PCNX1: variants seen among roughly 807,000 people sequenced by gnomAD.
PCNX1 encodes pecanex-like protein 1.
Under a neutral mutation model 242.2 loss-of-function variants are expected in PCNX1, and 78 were observed. The observed-to-expected ratio is 0.32, with a 90% CI of 0.27 to 0.39. The LOEUF (loss-of-function observed/expected upper bound fraction) is 0.39. Among genes scored for constraint, PCNX1 ranks in the 10% least tolerant of loss-of-function variants. PCNX1 has a pLI of 1.00. For missense variants in PCNX1, 2,581 were observed against 2,856.5 expected (o/e 0.90, Z 2.20); for synonymous variants, 1,024 against 1,032.9 (o/e 0.99, Z 0.17).
At chr14:70,912,678 A>G (rs1202471900) in intron 1 of PCNX1, among the ~76,000 whole-genome samples, 1 of 152,024 alleles carries the variant, frequency 6.6e-6, no homozygotes, top group Non-Finnish European at 1.5e-5. Context: ...AAAGACATAA[A>G]TCTGTGTCAT....
rs1171033184 is a variant in PCNX1, at chr14:71,011,436, G to T, written c.2721-56G>T. 17 of 914,342 alleles carry T rather than the reference G, an allele frequency of 1.9e-5. No homozygotes were observed. The Admixed American group carries it at 3.3e-4, about 18-fold the overall frequency. The allele number at this position is 914,342 out of a possible 1,614,324, so 56.6% of individuals were successfully genotyped here. A position where few individuals can be genotyped will look rare whatever the true frequency, so the allele number is the denominator to read the frequency against. Reference sequence around the variant, plus strand: ...ATGTGAATCTCATCTGAATGTTAAAGGATATATTTTTCTTTCTGCTTGACA... The same window carrying T: ...ATGTGAATCTCATCTGAATGTTAAATGATATATTTTTCTTTCTGCTTGACA... On this transcript the variant is annotated intron_variant, in intron 9 of 35. Coordinates refer to ENST00000304743, the MANE Select transcript of PCNX1 (RefSeq NM_014982.3).
At chr14:71,098,925 G>T (rs1044418120) in intron 30 of PCNX1, among the ~76,000 whole-genome samples, 2 of 152,090 alleles carry the variant, frequency 1.3e-5, no homozygotes, top group Admixed American at 1.3e-4. Flanking sequence ...CAGTATGAGG[G>T]CTGTGGGTTT....
chr14:71,009,357 C>T (rs745483253), intron 8 of PCNX1, among the ~76,000 whole-genome samples: 1 of 152,006 alleles, frequency 6.6e-6, no homozygotes, highest in Non-Finnish European at 1.5e-5. Flanking sequence ...GAGAATGTGC[C>T]GTGGGAAAAA....
At chr14:70,940,695 TCTC>T (rs544866956) in intron 1 of PCNX1, among the ~76,000 whole-genome samples, 137 of 152,316 alleles carry the variant, frequency 9.0e-4, no homozygotes, top group Middle Eastern at 6.8e-3. Flanking sequence ...TTGGGGAAGT[TCTC>T]CTGGATAATA....
At chr14:70,925,211 A>G (rs1219142166) in intron 1 of PCNX1, among the ~76,000 whole-genome samples, 1 of 151,542 alleles carries the variant, frequency 6.6e-6, no homozygotes, top group African/African-American at 2.4e-5. Context: ...CTGGTCTTGG[A>G]CTCCGGACCT....
chr14:71,091,586 G>A (rs956638957), intron 30 of PCNX1, among the ~76,000 whole-genome samples: 1 of 151,984 alleles, frequency 6.6e-6, no homozygotes, highest in Non-Finnish European at 1.5e-5. Flanking sequence ...GACAAACTTA[G>A]GTATGTCATG....
intron 8 of PCNX1, among the ~76,000 whole-genome samples, chr14:71,003,566 G>T (rs1160068643): frequency 6.6e-6 from 1 of 152,154 alleles, no homozygotes; most frequent in East Asian, 1.9e-4. Context: ...ACCCAAGTAA[G>T]AAGAACTTGT....
chr14:70,936,372 C>T (rs2057005747), intron 1 of PCNX1, among the ~76,000 whole-genome samples: 3 of 150,836 alleles, frequency 2.0e-5, no homozygotes, highest in Non-Finnish European at 4.4e-5. Context: ...TGAGTGAGAA[C>T]ATCTGGTGTT....
intron 2 of PCNX1, among the ~76,000 whole-genome samples, chr14:70,952,791 T>G (rs1312598779): frequency 6.6e-6 from 1 of 152,210 alleles, no homozygotes; most frequent in East Asian, 1.9e-4. Context: ...GTAAGCTGGT[T>G]TATAGGGCAT....
intron 16 of PCNX1, among the ~76,000 whole-genome samples, chr14:71,032,490 T>A (rs1283653422): frequency 6.6e-6 from 1 of 150,814 alleles, no homozygotes; most frequent in Non-Finnish European, 1.5e-5. Context: ...AATACAAAGA[T>A]CTAAGGATGC....
chr14:70,977,111 C>A lies in PCNX1; in HGVS notation c.774C>A (p.Ala258=), dbSNP rs1162072278. The A allele has an allele frequency of 1.2e-6, 2 of 1,614,172 alleles. No individual in the cohort carries two copies. The part of the protein sequence containing the change: ...HHHVDQSLSS[A]CDTEVASLVP... The stretch of plus-strand genomic sequence containing the variant: ...ATGTTGATCAGTCTCTGTCCAGCGC[C>A]TGTGACACAGAAGTAGCTTCTCTTG... Residue 258 remains alanine (A), a synonymous_variant, in exon 6 of 36, where the codon GCC becomes GCA. Transcript: ENST00000304743.
Position 70,951,826 on chromosome 14 carries a change from A to G in PCNX1, c.362+4703A>G, listed in dbSNP as rs1255850222. Among the ~76,000 whole-genome samples the G allele has an allele frequency of 2.0e-5, 3 of 152,150 alleles. No individual in the cohort carries two copies. In the East Asian group the frequency reaches 5.8e-4, roughly 29 times the overall value. ...AACTTTTAAAATAGGGATATAGATG[A>G]GAGATTTCCATTTATTTTCTTATGT... On this transcript the variant is annotated intron_variant, in intron 2 of 35. Transcript: ENST00000304743.
chr14:70,924,911 C>G (rs963271736), intron 1 of PCNX1, among the ~76,000 whole-genome samples: 5 of 152,000 alleles, frequency 3.3e-5, no homozygotes, highest in Non-Finnish European at 7.4e-5. Context: ...TTTATTCTTA[C>G]ATTGTTCTGT....
chr14:71,000,958 G>A (rs562001772), intron 8 of PCNX1, among the ~76,000 whole-genome samples: 1 of 152,160 alleles, frequency 6.6e-6, no homozygotes, highest in Non-Finnish European at 1.5e-5. Flanking sequence ...TTAACTATGC[G>A]ATCTTGGGAA....
At chr14:71,077,517 C>T (rs755985358) in intron 28 of PCNX1, among the ~76,000 whole-genome samples, 5 of 152,172 alleles carry the variant, frequency 3.3e-5, no homozygotes, top group Non-Finnish European at 5.9e-5. Flanking sequence ...GCCATCATAT[C>T]AGCCTCTTTT....
chr14:71,067,676 T>C (rs1376159413), intron 26 of PCNX1, among the ~76,000 whole-genome samples: 1 of 152,192 alleles, frequency 6.6e-6, no homozygotes, highest in African/African-American at 2.4e-5. Context: ...CCTGCTTCTC[T>C]AGTTCTTTTA....
At chr14:70,948,718 A>C (rs2057572973) in intron 2 of PCNX1, among the ~76,000 whole-genome samples, 1 of 146,698 alleles carries the variant, frequency 6.8e-6, no homozygotes, top group East Asian at 2.0e-4. Flanking sequence ...CATACACATA[A>C]GTGTATATAC....
At chr14:71,031,550 A>G (rs2060384281) in intron 16 of PCNX1, 2 of 444,488 alleles carry the variant, frequency 4.5e-6, no homozygotes, top group Admixed American at 3.3e-5. Flanking sequence ...AGAATGCCCC[A>G]ACTTCAACAA....
At chr14:71,043,117 G>A (rs1454780127) in intron 19 of PCNX1, among the ~76,000 whole-genome samples, 1 of 152,098 alleles carries the variant, frequency 6.6e-6, no homozygotes, top group Non-Finnish European at 1.5e-5. Context: ...CTTCGAATGT[G>A]TCACCTCAGT....
Sources: allele counts gnomAD v4.1 joint callset (sites outside exome capture counted in the v4.1 genomes callset), GRCh38; gene constraint gnomAD v4.1.1; transcripts MANE v1.5; gene names NCBI Gene and HGNC (gene_info 2026-07-23, HGNC 2026-07-21).